The following SHPRH variants were observed in gnomAD, a reference collection of about 807,000 sequenced individuals.
SHPRH encodes E3 ubiquitin-protein ligase SHPRH.
SHPRH carries 106 observed loss-of-function variants against 202.5 expected under a neutral mutation model. The ratio of observed to expected loss-of-function variants is 0.52; its 90% CI spans 0.45 to 0.62. The LOEUF is 0.62. Ranked by LOEUF, SHPRH falls within the 20% of genes least tolerant of loss-of-function variation. The pLI is 0.00. For synonymous variants in SHPRH, 729 were observed against 686.0 expected, an observed-to-expected ratio of 1.06 and a Z score of -0.98; for missense variants, 1,710 against 2,020.0, an observed-to-expected ratio of 0.85 and a Z score of 2.94.
At chr6:145,925,202 G>A (rs963380952) in intron 16 of SHPRH, among the ~76,000 whole-genome samples, 2 of 151,612 alleles carry the variant, frequency 1.3e-5, no homozygotes. Context: ...GGCTAATTTA[G>A]TTATTAAAAT....
intron 13 of SHPRH, among the ~76,000 whole-genome samples, chr6:145,934,248 C>T (rs1785792489): frequency 6.6e-6 from 1 of 151,838 alleles, no homozygotes; most frequent in African/African-American, 2.4e-5. Flanking sequence ...GGGTGGATTA[C>T]CTGAGGTCTG....
At chr6:145,923,601 T>C (rs1784613070) in intron 18 of SHPRH, 42 bp downstream of exon 18, 2 of 1,589,412 alleles carry the variant, frequency 1.3e-6, no homozygotes, top group Non-Finnish European at 1.7e-6. Flanking sequence ...TTTCTTTGCT[T>C]TTAAAATTAT....
chr6:145,959,930 A>G (rs1268550968), intron 1 of SHPRH, among the ~76,000 whole-genome samples: 1 of 152,314 alleles, frequency 6.6e-6, no homozygotes, highest in African/African-American at 2.4e-5. Flanking sequence ...GTTTTCCTCA[A>G]AGCATAAGCT....
intron 24 of SHPRH, 26 bp downstream of exon 24, chr6:145,913,452 G>C (rs1183172071): frequency 6.3e-7 from 1 of 1,578,424 alleles, no homozygotes; most frequent in South Asian, 1.1e-5. Context: ...TTTTATAAAT[G>C]CATGTGATGT....
chr6:145,918,019 A>G (rs1784103422), intron 23 of SHPRH, 112 bp downstream of exon 23: 2 of 705,230 alleles, frequency 2.8e-6, no homozygotes, highest in Non-Finnish European at 4.7e-6. Context: ...TCTGACTCAT[A>G]TAACACCAAA....
rs778106154 is a variant in SHPRH at position 145,954,676 on chromosome 6, A to C, written c.633+14T>G. On this transcript the variant is annotated intron_variant, in intron 2 of 29. Coordinates refer to ENST00000275233, the MANE Select transcript of SHPRH (RefSeq NM_001042683.3). ...AGAAGAGCCTCAAAAAAGACACCAC[A>C]AAAAACTGAGTACCTTGATAATGTG... 6 of 1,548,518 alleles carry C rather than the reference A, an allele frequency of 3.9e-6. No individual in the cohort carries two copies. The highest frequency in any genetic ancestry group is 5.2e-6 in the Non-Finnish European group (6 of 1,154,052).
chr6:145,872,318 G>C (rs568294389), intron 2 of SHPRH, among the ~76,000 whole-genome samples: 46 of 152,142 alleles, frequency 3.0e-4, no homozygotes, highest in African/African-American at 1.0e-3. Flanking sequence ...CTAATATCCA[G>C]AATCTATAAG....
Position 145,923,723 on chromosome 6 carries a change from A to G in SHPRH, c.3465T>C (p.Asp1155=). The part of the protein sequence containing the change: ...VIHRAIEFTI[D]EELVQRVRNE... ...TTCGCACTCGCTGAACTAGCTCCTC[A>G]TCAATAGTAAATTCTATTGCTCTGT... The change falls in exon 18 of 30, where the codon GAT becomes GAC. Residue 1155 remains aspartate, a synonymous_variant. Transcript: ENST00000275233. 1 of 1,612,070 alleles carries G rather than the reference A, an allele frequency of 6.2e-7. No homozygotes were observed.
intron 14 of SHPRH, among the ~76,000 whole-genome samples, chr6:145,932,096 T>C (rs1375817796): frequency 6.6e-6 from 1 of 152,290 alleles, no homozygotes; most frequent in Non-Finnish European, 1.5e-5. Context: ...GAATTTTCTA[T>C]ATTAGACATT....
chr6:145,906,448 A>G (rs982984370), intron 25 of SHPRH: 9 of 152,074 alleles, frequency 5.9e-5, no homozygotes, highest in African/African-American at 1.9e-4. Context: ...ACCTATGCTT[A>G]TATCTTTTGT....
intron 1 of SHPRH, among the ~76,000 whole-genome samples, chr6:145,956,927 A>G (rs959151195): frequency 1.3e-5 from 2 of 152,176 alleles, no homozygotes; most frequent in Admixed American, 6.5e-5. Flanking sequence ...AAATGCCTAC[A>G]ATACAGGAAA....
chr6:145,941,990 A>T (rs1786833147), intron 9 of SHPRH, 116 bp from the exon 10 acceptor site: 3 of 1,237,902 alleles, frequency 2.4e-6, no homozygotes, highest in Non-Finnish European at 3.3e-6. Context: ...CATTCATGCT[A>T]TGAGACAGAT....
At chr6:145,903,920 C>T (rs902023323) in intron 25 of SHPRH, 4 of 151,966 alleles carry the variant, frequency 2.6e-5, no homozygotes, top group African/African-American at 9.7e-5. Flanking sequence ...GTGAGATGCC[C>T]AGTAGGTTCC....
chr6:145,926,768 T>C (rs567611418), intron 15 of SHPRH, among the ~76,000 whole-genome samples: 1 of 152,118 alleles, frequency 6.6e-6, no homozygotes, highest in East Asian at 1.9e-4. Flanking sequence ...ATAAGTGTTA[T>C]AATTAAAATA....
At chr6:145,875,230 T>C (rs371878519) in intron 2 of SHPRH, among the ~76,000 whole-genome samples, 1 of 152,214 alleles carries the variant, frequency 6.6e-6, no homozygotes, top group Admixed American at 6.5e-5. Context: ...CCAGGAGATA[T>C]TGGAAATTTC....
At chr6:145,959,483 C>T (rs191580099) in intron 1 of SHPRH, among the ~76,000 whole-genome samples, 5 of 148,346 alleles carry the variant, frequency 3.4e-5, no homozygotes, top group African/African-American at 7.6e-5. Flanking sequence ...AGTAGGCTGG[C>T]GGTACCACCT....
In SHPRH at chr6:145,885,162, T is replaced by A. The variant is rs1374068525; in HGVS notation, c.*1529A>T. Reference sequence around the variant, plus strand: ...ATATCTGAACTTCAGTTCTCTACCTTTAAAACAGTAAAGATATTAATTATA... The same window carrying A: ...ATATCTGAACTTCAGTTCTCTACCTATAAAACAGTAAAGATATTAATTATA... On this transcript the variant is annotated 3_prime_UTR_variant, in exon 30 of 30. Transcript: ENST00000275233. 1 of 152,164 alleles carries A rather than the reference T, an allele frequency of 6.6e-6. No individual in the cohort carries two copies. The highest frequency in any genetic ancestry group is 1.9e-4 in the East Asian group (1 of 5,202). The allele number at this position is 152,164 out of a possible 1,614,324, so 9.4% of individuals were successfully genotyped here.
chr6:145,940,915 T>G (rs1786701756), intron 10 of SHPRH, 114 bp from the exon 11 acceptor site: 1 of 924,174 alleles, frequency 1.1e-6, no homozygotes, highest in Admixed American at 2.1e-5. Flanking sequence ...TCTGGTGAGA[T>G]GTACCTACTT....
intron 28 of SHPRH, among the ~76,000 whole-genome samples, chr6:145,889,928 C>CT (rs1431324986): frequency 6.6e-6 from 1 of 152,182 alleles, no homozygotes. Context: ...CATATCCATG[C>CT]TTCTGCCTAC....
Sources: allele counts gnomAD v4.1 joint callset (sites outside exome capture counted in the v4.1 genomes callset), GRCh38; gene constraint gnomAD v4.1.1; transcripts MANE v1.5; gene names NCBI Gene and HGNC (gene_info 2026-07-23, HGNC 2026-07-21).